IRF2: variants seen among roughly 807,000 people sequenced by gnomAD.
IRF2 encodes interferon regulatory factor 2.
In IRF2, 15 loss-of-function variants were observed where a neutral mutation model predicts 40.6. The observed-to-expected ratio is 0.37, with a 90% CI of 0.25 to 0.57. The LOEUF is 0.57. Ranked by LOEUF, IRF2 falls within the 20% of genes least tolerant of loss-of-function variation. The pLI is 0.77. For synonymous variants in IRF2, 151 were observed against 165.5 expected (o/e 0.91, Z 0.67); for missense variants, 317 against 455.7 (o/e 0.70, Z 2.77).
intron 1 of IRF2, chr4:184,473,917 AAC>A (rs1013288656): frequency 1.3e-5 from 2 of 151,840 alleles, no homozygotes; most frequent in African/African-American, 4.8e-5. Flanking sequence ...CGCACACACA[AAC>A]ACGCACATAC....
At position 184,418,219 on chromosome 4, in the gene IRF2, G is replaced by C. The variant is rs1561098505; in HGVS notation, c.365-6C>G. On this transcript the variant is annotated splice_polypyrimidine_tract_variant and splice_region_variant and intron_variant, in intron 4 of 8. Coordinates refer to ENST00000393593, the MANE Select transcript of IRF2 (RefSeq NM_002199.4). ...TTCTGTCTTTGGTTTCTTTCCTGTG[G>C]CAACAAAAATGTAGTTTTGGATTAA... 6.2e-7 allele frequency: 1 copy of C among 1,610,954 alleles called. No homozygotes were observed. Among genetic ancestry groups the C allele is most frequent in the Non-Finnish European group, 8.5e-7 (1 of 1,177,162 alleles).
At position 184,399,823 on chromosome 4, in the gene IRF2, C is replaced by T. The variant is rs1736603611; in HGVS notation, c.530-744G>A. ...GGAACACTGATAAGATGGATTCTGA[C>T]CACCCTGGCTCTGAAAACTGCCTCA... On this transcript the variant is annotated intron_variant, in intron 6 of 8. Coordinates refer to ENST00000393593, the MANE Select transcript of IRF2 (RefSeq NM_002199.4). Among the ~76,000 whole-genome samples, 4 of 152,296 alleles carry T rather than the reference C, an allele frequency of 2.6e-5. No individual in the cohort carries two copies. The South Asian group carries it at 8.3e-4, about 32-fold the overall frequency.
intron 5 of IRF2, among the ~76,000 whole-genome samples, chr4:184,410,569 C>T (rs1737035260): frequency 6.6e-6 from 1 of 152,186 alleles, no homozygotes; most frequent in African/African-American, 2.4e-5. Context: ...GAGTCATGCC[C>T]CACCTTTCAC....
chr4:184,395,105 C>T (rs1173494724), intron 7 of IRF2, among the ~76,000 whole-genome samples: 1 of 152,112 alleles, frequency 6.6e-6, no homozygotes, highest in Admixed American at 6.5e-5. Context: ...GTTTCCCAAA[C>T]AGATGAATAA....
At chr4:184,418,289 T>C (rs1737353404) in intron 4 of IRF2, 76 bp from the exon 5 acceptor site, 5 of 1,187,062 alleles carry the variant, frequency 4.2e-6, no homozygotes, top group South Asian at 1.2e-5. Flanking sequence ...AATTAAATTC[T>C]TTCTGAAACT....
At chr4:184,432,532 T>C (rs1737924711) in intron 1 of IRF2, among the ~76,000 whole-genome samples, 2 of 152,242 alleles carry the variant, frequency 1.3e-5, no homozygotes, top group Admixed American at 1.3e-4. Flanking sequence ...TGCTCAGGCA[T>C]GCATTATAGT....
chr4:184,473,696 A>C, intron 1 of IRF2, among the ~76,000 whole-genome samples: 1 of 145,896 alleles, frequency 6.9e-6, no homozygotes. Flanking sequence ...CCCGACCCCG[A>C]GCCCGGCAGG....
At position 184,469,547 on chromosome 4, in the gene IRF2, T is replaced by G. The variant is rs146185137; in HGVS notation, c.-7+4832A>C. 1.0e-3 allele frequency among the ~76,000 whole-genome samples: 154 copies of G among 152,260 alleles called. 1 individual carries two copies. Among genetic ancestry groups the G allele is most frequent in the African/African-American group, 3.6e-3 (151 of 41,542 alleles). ...GTATGTCGGGCTTTGGGGTGGCACA[T>G]GCCTGTTGTCCCAGCTACTCAGGAG... On this transcript the variant is annotated intron_variant, in intron 1 of 8. Coordinates refer to ENST00000393593, the MANE Select transcript of IRF2 (RefSeq NM_002199.4).
chr4:184,457,296 G>C (rs1738977184), intron 1 of IRF2, among the ~76,000 whole-genome samples: 2 of 152,238 alleles, frequency 1.3e-5, no homozygotes, highest in African/African-American at 4.8e-5. Context: ...GCTCCCTCCA[G>C]TTCCTGAGTC....
At chr4:184,460,662 C>T (rs979853742) in intron 1 of IRF2, among the ~76,000 whole-genome samples, 80 of 84,812 alleles carry the variant, frequency 9.4e-4, no homozygotes, top group Non-Finnish European at 1.8e-3. Flanking sequence ...CACACATGCA[C>T]GCGCACACAC....
chr4:184,393,290 C>T (rs1051355405), intron 7 of IRF2, among the ~76,000 whole-genome samples: 6 of 152,238 alleles, frequency 3.9e-5, no homozygotes, highest in African/African-American at 1.4e-4. Flanking sequence ...TTTCAAGATC[C>T]GCTTTCCATT....
At chr4:184,429,184 AC>A (rs1454828611) in intron 1 of IRF2, 114 bp from the exon 2 acceptor site, 2 of 640,472 alleles carry the variant, frequency 3.1e-6, no homozygotes, top group Non-Finnish European at 5.4e-6. Context: ...GGGGCTGGGG[AC>A]CAGGGGGCTG....
chr4:184,395,076 C>T (rs1392611646), intron 7 of IRF2, among the ~76,000 whole-genome samples: 2 of 152,116 alleles, frequency 1.3e-5, no homozygotes, highest in Non-Finnish European at 2.9e-5. Context: ...AACTAGCAAA[C>T]AGCAGCCTCC....
At chr4:184,439,120 G>A (rs531780549) in intron 1 of IRF2, among the ~76,000 whole-genome samples, 81 of 152,172 alleles carry the variant, frequency 5.3e-4, no homozygotes, top group Non-Finnish European at 7.4e-4. Flanking sequence ...TTTAAGAATG[G>A]GAGTCTCCAG....
intron 1 of IRF2, among the ~76,000 whole-genome samples, chr4:184,470,127 C>T (rs542798137): frequency 7.2e-5 from 11 of 152,188 alleles, no homozygotes; most frequent in African/African-American, 2.2e-4. Context: ...CACAGGGGGC[C>T]GACGGGGCAG....
At chr4:184,399,323 G>A (rs1736584802) in intron 6 of IRF2, among the ~76,000 whole-genome samples, 1 of 152,210 alleles carries the variant, frequency 6.6e-6, no homozygotes, top group South Asian at 2.1e-4. Context: ...GGCACGCACG[G>A]TGGCCATGTC....
chr4:184,451,622 AC>A (rs2149913158), intron 1 of IRF2, among the ~76,000 whole-genome samples: 1 of 152,210 alleles, frequency 6.6e-6, no homozygotes, highest in African/African-American at 2.4e-5. Flanking sequence ...GTAATATAGA[AC>A]CCCTGGGATA....
At chr4:184,390,183 T>C (rs1477904137) in intron 8 of IRF2, among the ~76,000 whole-genome samples, 1 of 152,162 alleles carries the variant, frequency 6.6e-6, no homozygotes, top group Non-Finnish European at 1.5e-5. Context: ...TTCCAGCCAC[T>C]TTCTGCCATT....
In IRF2 at chr4:184,448,333, AT is replaced by A. The variant is rs1485325769; in HGVS notation, c.-6-19264del. 1.3e-5 allele frequency among the ~76,000 whole-genome samples: 2 copies of A among 152,200 alleles called. No individual in the cohort carries two copies. Among genetic ancestry groups the A allele is most frequent in the Non-Finnish European group, 2.9e-5 (2 of 68,028 alleles). ...ATGGTATTAATAAGCACATGCATCA[AT>A]CACTTTATCTATCCATCCATAAGGG... On this transcript the variant is annotated intron_variant, in intron 1 of 8. Coordinates refer to ENST00000393593, the MANE Select transcript of IRF2 (RefSeq NM_002199.4). The surrounding 1 kb of genome is among the most constrained non-coding windows in gnomAD (Gnocchi z 4.3).
Sources: gnomAD v4.1 joint callset for allele counts (sites outside exome capture counted in the v4.1 genomes callset) on GRCh38, gnomAD v4.1.1 for gene constraint, Gnocchi (gnomAD v3.1) non-coding constraint, MANE v1.5 for transcripts, NCBI Gene and HGNC (gene_info 2026-07-23, HGNC 2026-07-21) for gene names.